The following ADAMTS14 variants were observed in gnomAD, a reference collection of about 807,000 sequenced individuals.
ADAMTS14 encodes the protein ADAM metallopeptidase with thrombospondin type 1 motif 14, also known as A disintegrin and metalloproteinase with thrombospondin motifs 14.
In ADAMTS14, 100 loss-of-function variants were observed where a neutral mutation model predicts 128.6. The observed-to-expected ratio is 0.78, with a 90% CI of 0.66 to 0.92. ADAMTS14 has a LOEUF of 0.92. Among genes scored for constraint, ADAMTS14 ranks in the 40% least tolerant of loss-of-function variants. ADAMTS14 has a pLI of 0.00. For missense variants in ADAMTS14, 1,562 were observed against 1,658.6 expected (o/e 0.94, Z 1.01); for synonymous variants, 665 against 653.8 (o/e 1.02, Z -0.26).
chr10:70,754,969 T>C (rs1842445833), intron 19 of ADAMTS14, among the ~76,000 whole-genome samples: 1 of 152,086 alleles, frequency 6.6e-6, no homozygotes, highest in African/African-American at 2.4e-5. Flanking sequence ...ATGTGAACAT[T>C]GAGAACATCA....
At chr10:70,716,067 A>G (rs1400055344) in intron 4 of ADAMTS14, among the ~76,000 whole-genome samples, 2 of 152,198 alleles carry the variant, frequency 1.3e-5, no homozygotes, top group African/African-American at 4.8e-5. Context: ...GCCGGGGAAC[A>G]TTGTCAGTTT....
Position 70,674,361 on chromosome 10 carries a change from C to T in ADAMTS14, c.83-195C>T, listed in dbSNP as rs78576971. 9.6e-4 allele frequency among the ~76,000 whole-genome samples: 146 copies of T among 152,268 alleles called. 1 individual carries two copies. Among genetic ancestry groups the T allele is most frequent in the African/African-American group, 3.2e-3 (132 of 41,548 alleles). On this transcript the variant is annotated intron_variant, in intron 1 of 21. Coordinates refer to ENST00000373207, the MANE Select transcript of ADAMTS14 (RefSeq NM_080722.4). Reference sequence around the variant, plus strand: ...GCTACAGGGAGTGCCACAAGGTACCCGAACACCCTTCATCCAAGTGTAGGA... The same window carrying T: ...GCTACAGGGAGTGCCACAAGGTACCTGAACACCCTTCATCCAAGTGTAGGA...
chr10:70,733,203 A>G (rs993273078), intron 7 of ADAMTS14, among the ~76,000 whole-genome samples: 14 of 152,246 alleles, frequency 9.2e-5, no homozygotes, highest in Admixed American at 8.5e-4. Flanking sequence ...GGTCAAGCTT[A>G]TAGGCCTGTG....
chr10:70,734,664 C>A (rs545992308), intron 8 of ADAMTS14, among the ~76,000 whole-genome samples: 3 of 152,310 alleles, frequency 2.0e-5, no homozygotes, highest in Admixed American at 2.0e-4. Flanking sequence ...GACTCAGGAC[C>A]TTGAGGCCTG....
At chr10:70,679,661 C>T (rs538754157) in intron 2 of ADAMTS14, among the ~76,000 whole-genome samples, 10 of 152,334 alleles carry the variant, frequency 6.6e-5, no homozygotes, top group Non-Finnish European at 1.2e-4. Context: ...GACGGGGTGA[C>T]GGGAGCTTGG....
rs1841974145 is a variant in ADAMTS14 at position 70,740,911 on chromosome 10, G to A, written c.1749-76G>A. The A allele has an allele frequency of 1.5e-5, 22 of 1,480,114 alleles. No individual in the cohort carries two copies. In the South Asian group the frequency reaches 2.5e-4, roughly 17 times the overall value. The allele number at this position is 1,480,114 out of a possible 1,614,324, so 91.7% of individuals were successfully genotyped here. A position where few individuals can be genotyped will look rare whatever the true frequency, so the allele number is the denominator to read the frequency against. ...ATTATGAATGGCTGAGCTGCTCCTGGTGGCTGTGTGGGAAACCTGGCCCTC... is the reference window on the plus strand; with the variant it reads ...ATTATGAATGGCTGAGCTGCTCCTGATGGCTGTGTGGGAAACCTGGCCCTC... On this transcript the variant is annotated intron_variant, in intron 11 of 21. Coordinates refer to ENST00000373207, the MANE Select transcript of ADAMTS14 (RefSeq NM_080722.4).
intron 4 of ADAMTS14, among the ~76,000 whole-genome samples, chr10:70,721,351 T>C (rs984842052): frequency 2.3e-4 from 34 of 150,692 alleles, no homozygotes; most frequent in African/African-American, 8.1e-4. Flanking sequence ...TCAGTTAGAC[T>C]TAGGTCTTTA....
chr10:70,747,002 A>G (rs1168072743), intron 15 of ADAMTS14, among the ~76,000 whole-genome samples: 1 of 152,132 alleles, frequency 6.6e-6, no homozygotes, highest in Non-Finnish European at 1.5e-5. Context: ...TGCCAATTTC[A>G]TCATAAATGG....
chr10:70,700,656 G>T (rs917498972), intron 2 of ADAMTS14, among the ~76,000 whole-genome samples: 1 of 152,128 alleles, frequency 6.6e-6, no homozygotes, highest in Non-Finnish European at 1.5e-5. Context: ...CAGGCCAGGG[G>T]GTTTGAGTTG....
rs1035255705 is a variant in ADAMTS14, at chr10:70,761,789, C to T, written c.*936C>T. The T allele has an allele frequency of 6.6e-6, 1 of 152,402 alleles. No homozygotes were observed. The highest frequency in any genetic ancestry group is 1.9e-4 in the East Asian group (1 of 5,180). The allele number at this position is 152,402 out of a possible 1,614,324, so 9.4% of individuals were successfully genotyped here. A position where few individuals can be genotyped will look rare whatever the true frequency, so the allele number is the denominator to read the frequency against. On this transcript the variant is annotated 3_prime_UTR_variant, in exon 22 of 22. Transcript: ENST00000373207. ...TCAATCATTGCCCTTCTCCGAAGAT[C>T]GCTCCTGCTGGAGTCGGACATCTTC...
intron 17 of ADAMTS14, among the ~76,000 whole-genome samples, 177 bp downstream of exon 17, chr10:70,751,823 G>A (rs1411845211): frequency 6.6e-6 from 1 of 152,222 alleles, no homozygotes; most frequent in South Asian, 2.1e-4. Flanking sequence ...GGATGAGGCT[G>A]GGGGTGCTAG....
At chr10:70,752,035 C>T (rs933002488) in intron 17 of ADAMTS14, 60 bp from the exon 18 acceptor site, 15 of 1,566,182 alleles carry the variant, frequency 9.6e-6, no homozygotes, top group Non-Finnish European at 1.3e-5. Flanking sequence ...CCCTGAGGCC[C>T]CACCAGGGCA....
At chr10:70,758,719 G>T (rs770115386) in intron 21 of ADAMTS14, among the ~76,000 whole-genome samples, 10 of 152,142 alleles carry the variant, frequency 6.6e-5, no homozygotes, top group African/African-American at 2.4e-4. Flanking sequence ...TTGTAGATAT[G>T]AGCTGCCTTC....
At chr10:70,744,309 C>T in intron 14 of ADAMTS14, 120 bp downstream of exon 14, 1 of 1,320,454 alleles carries the variant, frequency 7.6e-7, no homozygotes, top group Non-Finnish European at 9.8e-7. Context: ...GGCCCTGGGG[C>T]CCATCTCCAG....
intron 2 of ADAMTS14, 104 bp downstream of exon 2, chr10:70,675,099 G>GCACCACCCCTGCCTT: frequency 1.4e-6 from 2 of 1,386,800 alleles, no homozygotes; most frequent in Non-Finnish European, 2.0e-6. Flanking sequence ...GGCCAAGGCA[G>GCACCACCCCTGCCTT]GGGTGGTGCT....
chr10:70,720,942 G>T (rs191497157), intron 4 of ADAMTS14, among the ~76,000 whole-genome samples: 1 of 150,140 alleles, frequency 6.7e-6, no homozygotes, highest in Non-Finnish European at 1.5e-5. Flanking sequence ...GAACGAAAAA[G>T]TGTTACCAAT....
chr10:70,744,579 C>A (rs1409015309), intron 14 of ADAMTS14, among the ~76,000 whole-genome samples: 9 of 152,136 alleles, frequency 5.9e-5, no homozygotes, highest in Non-Finnish European at 1.0e-4. Flanking sequence ...TTTTTTTAAA[C>A]CTGTGGCACT....
chr10:70,691,838 G>A (rs1372068939), intron 2 of ADAMTS14, among the ~76,000 whole-genome samples: 2 of 152,250 alleles, frequency 1.3e-5, no homozygotes, highest in South Asian at 2.1e-4. Flanking sequence ...CCCTCTCAGG[G>A]AACGTACTTA....
In ADAMTS14 at chr10:70,761,080, G is replaced by C. The variant is rs75465280; in HGVS notation, c.*227G>C. On this transcript the variant is annotated 3_prime_UTR_variant, in exon 22 of 22. Coordinates refer to ENST00000373207, the MANE Select transcript of ADAMTS14 (RefSeq NM_080722.4). Reference sequence around the variant, plus strand: ...GGAGATACCTCAGCAAGCTGCCCCCGGCGGGACTGACCCTCTCAGGGCCCC... The same window carrying C: ...GGAGATACCTCAGCAAGCTGCCCCCCGCGGGACTGACCCTCTCAGGGCCCC... 1.6e-6 allele frequency: 1 copy of C among 608,826 alleles called. No homozygotes were observed. Among genetic ancestry groups the C allele is most frequent in the Non-Finnish European group, 2.6e-6 (1 of 384,338 alleles). The allele number at this position is 608,826 out of a possible 1,614,324, so 37.7% of individuals were successfully genotyped here.
Sources: gnomAD v4.1 joint callset for allele counts (sites outside exome capture counted in the v4.1 genomes callset) on GRCh38, gnomAD v4.1.1 for gene constraint, MANE v1.5 for transcripts, NCBI Gene and HGNC (gene_info 2026-07-23, HGNC 2026-07-21) for gene names.